The following NBEA variants were observed in gnomAD, a reference collection of about 807,000 sequenced individuals.
The protein encoded by NBEA is neurobeachin.
In NBEA, 44 loss-of-function variants were observed where a neutral mutation model predicts 343.4. The observed-to-expected ratio is 0.13, with a 90% CI of 0.10 to 0.16. The LOEUF is 0.16. Ranked by LOEUF, NBEA falls within the 10% of genes least tolerant of loss-of-function variation. NBEA has a pLI of 1.00. For missense variants in NBEA, 2,555 were observed against 3,631.3 expected (o/e 0.70, Z 7.62); for synonymous variants, 1,175 against 1,238.7 (o/e 0.95, Z 1.08).
At chr13:35,137,520 A>G (rs1406194991) in intron 17 of NBEA, among the ~76,000 whole-genome samples, 1 of 150,934 alleles carries the variant, frequency 6.6e-6, no homozygotes, top group East Asian at 1.9e-4. Context: ...TTATTGTTTC[A>G]TGCCCTTTTC....
At chr13:35,068,883 A>G (rs529298519) in intron 8 of NBEA, among the ~76,000 whole-genome samples, 16 of 152,286 alleles carry the variant, frequency 1.1e-4, no homozygotes, top group African/African-American at 3.8e-4. Flanking sequence ...CCACTTTTAG[A>G]AAGGACAAAT....
chr13:35,431,679 T>A (rs1168291366), intron 38 of NBEA, among the ~76,000 whole-genome samples: 2 of 152,190 alleles, frequency 1.3e-5, no homozygotes, highest in African/African-American at 2.4e-5. Context: ...GCAGCTCTAA[T>A]TCAGTATTAT....
chr13:35,410,541 G>A (rs1317035369), intron 38 of NBEA, among the ~76,000 whole-genome samples: 2 of 151,968 alleles, frequency 1.3e-5, no homozygotes, highest in African/African-American at 4.8e-5. Context: ...ACTTCAAAAG[G>A]TTCACAGAAA....
At chr13:35,241,411 C>G (rs73167799) in intron 34 of NBEA, among the ~76,000 whole-genome samples, 1,722 of 151,710 alleles carry the variant, frequency 0.011, 15 homozygotes, top group South Asian at 0.029. Flanking sequence ...CCTCCCTGAA[C>G]AAACAAAAGA....
intron 34 of NBEA, among the ~76,000 whole-genome samples, chr13:35,275,990 T>TA (rs1299569251): frequency 6.6e-6 from 1 of 152,064 alleles, no homozygotes; most frequent in Admixed American, 6.6e-5. Flanking sequence ...CCCTAGAACT[T>TA]AAAGTATAAT....
At chr13:35,628,722 A>G (rs1263943467) in intron 49 of NBEA, among the ~76,000 whole-genome samples, 2 of 152,184 alleles carry the variant, frequency 1.3e-5, no homozygotes, top group African/African-American at 4.8e-5. Flanking sequence ...GTTCGAGACC[A>G]GCCTGGCCAA....
intron 1 of NBEA, among the ~76,000 whole-genome samples, chr13:35,008,268 C>T (rs1384272403): frequency 3.3e-5 from 5 of 152,158 alleles, no homozygotes; most frequent in South Asian, 4.1e-4. Context: ...ATTTTCCCTT[C>T]GTATCCTTGG....
At chr13:35,489,248 T>C (rs1393096598) in intron 41 of NBEA, among the ~76,000 whole-genome samples, 1 of 151,876 alleles carries the variant, frequency 6.6e-6, no homozygotes, top group Non-Finnish European at 1.5e-5. Flanking sequence ...CATTCTCAAG[T>C]GAAGAGCTGC....
At chr13:35,153,654 T>G (rs1393932189) in intron 18 of NBEA, among the ~76,000 whole-genome samples, 1 of 152,236 alleles carries the variant, frequency 6.6e-6, no homozygotes, top group African/African-American at 2.4e-5. Context: ...AAGGCAGTTA[T>G]TCTTTTCATT....
intron 38 of NBEA, among the ~76,000 whole-genome samples, chr13:35,381,988 A>G (rs10454599): frequency 1.1e-4 from 16 of 152,150 alleles, no homozygotes; most frequent in African/African-American, 3.6e-4. Context: ...GAAAACAACA[A>G]TTATTCTCTA....
intron 44 of NBEA, among the ~76,000 whole-genome samples, chr13:35,556,961 G>C (rs1010805636): frequency 6.6e-6 from 1 of 151,992 alleles, no homozygotes; most frequent in African/African-American, 2.4e-5. Flanking sequence ...CATATTCCCT[G>C]TATTAGGTTT....
intron 34 of NBEA, among the ~76,000 whole-genome samples, chr13:35,248,937 G>A (rs948856930): frequency 1.3e-5 from 2 of 152,082 alleles, no homozygotes; most frequent in Non-Finnish European, 2.9e-5. Flanking sequence ...ATCACCTGAG[G>A]TCGGGAGTTC....
At chr13:35,629,860 G>T (rs1406082521) in intron 49 of NBEA, among the ~76,000 whole-genome samples, 1 of 152,014 alleles carries the variant, frequency 6.6e-6, no homozygotes, top group African/African-American at 2.4e-5. Flanking sequence ...CAGAAAAAAA[G>T]AAAACAGTTG....
chr13:34,951,972 C>T (rs932214593), intron 1 of NBEA, among the ~76,000 whole-genome samples: 5 of 152,160 alleles, frequency 3.3e-5, no homozygotes, highest in Admixed American at 6.5e-5. Flanking sequence ...AGTACACTTG[C>T]GGAATTGAAC....
chr13:35,199,739 T>TG (rs2072883813), intron 31 of NBEA, among the ~76,000 whole-genome samples: 1 of 152,110 alleles, frequency 6.6e-6, no homozygotes. Context: ...TGTTTTGAAG[T>TG]TTATAATAAA....
intron 35 of NBEA, 70 bp from the exon 36 acceptor site, chr13:35,309,458 A>T (rs910742279): frequency 3.8e-6 from 3 of 792,460 alleles, no homozygotes; most frequent in Middle Eastern, 2.6e-4. Context: ...TATCAACATG[A>T]TCCTTAAACC....
chr13:35,116,049 A>G (rs1432293551), intron 13 of NBEA, among the ~76,000 whole-genome samples: 1 of 152,192 alleles, frequency 6.6e-6, no homozygotes, highest in Non-Finnish European at 1.5e-5. Context: ...CACAGAGCTG[A>G]GGTCTGGAGC....
chr13:35,571,369 G>A (rs1475145796), intron 45 of NBEA, among the ~76,000 whole-genome samples: 1 of 152,182 alleles, frequency 6.6e-6, no homozygotes, highest in East Asian at 1.9e-4. Flanking sequence ...GGGAGAAAAA[G>A]TCAAGAGGTT....
chr13:34,975,342 C>T (rs975570124), intron 1 of NBEA, among the ~76,000 whole-genome samples: 7 of 152,092 alleles, frequency 4.6e-5, no homozygotes, highest in African/African-American at 1.7e-4. Flanking sequence ...ACAAAGCAAA[C>T]AAAAGCATAA....
Sources: gnomAD v4.1 joint callset for allele counts (sites outside exome capture counted in the v4.1 genomes callset) on GRCh38, gnomAD v4.1.1 for gene constraint, MANE v1.5 for transcripts, NCBI Gene and HGNC (gene_info 2026-07-23, HGNC 2026-07-21) for gene names.